The following ARHGAP22 variants were observed in gnomAD, a reference collection of about 807,000 sequenced individuals.
The protein encoded by ARHGAP22 is Rho GTPase activating protein 22.
In ARHGAP22, 48 loss-of-function variants were observed where a neutral mutation model predicts 59.1. That is an observed-to-expected ratio of 0.81 (90% CI 0.64 to 1.03). The LOEUF is 1.03. Among genes scored for constraint, ARHGAP22 ranks in the 50% least tolerant of loss-of-function variants. The pLI is 0.00. For missense variants in ARHGAP22, 1,015 were observed against 958.7 expected (o/e 1.06, Z -0.78); for synonymous variants, 445 against 416.4 (o/e 1.07, Z -0.84).
chr10:48,435,732 C>T, the ARHGAP22 span: 1 of 152,184 alleles, frequency 6.6e-6, no homozygotes, highest in African/African-American at 2.4e-5. Flanking sequence ...CACCTTATGT[C>T]CCCACCCTAC....
At chr10:48,506,707 C>T (rs1482502336) in intron 3 of ARHGAP22, among the ~76,000 whole-genome samples, 1 of 152,164 alleles carries the variant, frequency 6.6e-6, no homozygotes, top group Non-Finnish European at 1.5e-5. Context: ...AAGGCAGCCA[C>T]TCTCACTGTA....
chr10:48,655,248 TGTGTGTGTGGGGGGGGGG>T (rs1321875099), upstream of ARHGAP22, among the ~76,000 whole-genome samples: 19 of 110,218 alleles, frequency 1.7e-4, no homozygotes, highest in Middle Eastern at 4.8e-3. Context: ...TGGATGTGTG[TGTGTGTGTGGGGGGGGGG>T]GGGGGCGGGG....
upstream of ARHGAP22, chr10:48,655,418 C>A (rs1268176837): frequency 6.6e-6 from 1 of 152,340 alleles, no homozygotes; most frequent in East Asian, 1.9e-4. Flanking sequence ...GAGTTCTGCC[C>A]ACCAGCTGGA....
At chr10:48,542,193 G>T (rs1435340633) in intron 3 of ARHGAP22, among the ~76,000 whole-genome samples, 1 of 152,164 alleles carries the variant, frequency 6.6e-6, no homozygotes, top group African/African-American at 2.4e-5. Flanking sequence ...GAAGAGACCA[G>T]CAAGGAATGT....
intron 3 of ARHGAP22, chr10:48,510,768 C>T (rs541245195): frequency 2.2e-4 from 33 of 152,386 alleles, no homozygotes; most frequent in African/African-American, 7.7e-4. Context: ...CAGGGATCCC[C>T]AGACTCAGGG....
At chr10:48,442,037 G>A (rs948665390), downstream of ARHGAP22, among the ~76,000 whole-genome samples, 6 of 152,186 alleles carry the variant, frequency 3.9e-5, no homozygotes, top group African/African-American at 1.2e-4. Context: ...TGACTAGAGC[G>A]TATCCTTTAC....
chr10:48,544,441 G>A (rs947276835), intron 3 of ARHGAP22, among the ~76,000 whole-genome samples: 1 of 148,226 alleles, frequency 6.7e-6, no homozygotes, highest in African/African-American at 2.5e-5. Context: ...ATTTTTGCCT[G>A]TAGAGCACCT....
At chr10:48,497,993 C>T (rs547634761) in intron 3 of ARHGAP22, among the ~76,000 whole-genome samples, 1 of 152,272 alleles carries the variant, frequency 6.6e-6, no homozygotes, top group Admixed American at 6.5e-5. Flanking sequence ...GTCCATGGTT[C>T]CTCTAGGGCT....
chr10:48,566,165 A>T (rs2058036601), intron 2 of ARHGAP22, among the ~76,000 whole-genome samples: 1 of 152,162 alleles, frequency 6.6e-6, no homozygotes, highest in African/African-American at 2.4e-5. Flanking sequence ...CTTTTTACCA[A>T]GTCTCCTGAT....
At chr10:48,655,178 C>T (rs1455053875), upstream of ARHGAP22, among the ~76,000 whole-genome samples, 3 of 143,444 alleles carry the variant, frequency 2.1e-5, no homozygotes, top group Non-Finnish European at 3.0e-5. Context: ...CACGAACTGG[C>T]CCGTGTGTGC....
rs148773918 is a variant in ARHGAP22 at position 48,646,619 on chromosome 10, C to T, written c.52+5615G>A. Among the ~76,000 whole-genome samples, 615 of 152,240 alleles carry T rather than the reference C, an allele frequency of 4.0e-3. 5 individuals carry two copies. The highest frequency in any genetic ancestry group is 0.014 in the African/African-American group (593 of 41,540). ...TAACAAATGGTGTTGGGACAATTGG[C>T]TATCCATAAGCGAAACAGCAGCAGC... On this transcript the variant is annotated intron_variant, in intron 1 of 9. Coordinates refer to the ARHGAP22 transcript ENST00000435790.
chr10:48,596,267 G>C (rs899210246), intron 1 of ARHGAP22, among the ~76,000 whole-genome samples: 1 of 152,166 alleles, frequency 6.6e-6, no homozygotes, highest in African/African-American at 2.4e-5. Context: ...AGATTATGGG[G>C]CCTCCCGTAT....
chr10:48,555,750 G>A (rs929975183), intron 2 of ARHGAP22, among the ~76,000 whole-genome samples, 200 bp from the exon 3 acceptor site: 5 of 152,176 alleles, frequency 3.3e-5, no homozygotes, highest in African/African-American at 1.2e-4. Flanking sequence ...GGATTAAGGT[G>A]GACACTGTAG....
intron 2 of ARHGAP22, among the ~76,000 whole-genome samples, chr10:48,577,545 C>T (rs1266854407): frequency 6.6e-6 from 1 of 152,092 alleles, no homozygotes; most frequent in Non-Finnish European, 1.5e-5. Flanking sequence ...GGGGGCTACT[C>T]CTGACTGCTG....
At chr10:48,487,233 ATTT>A (rs796502960) in intron 3 of ARHGAP22, among the ~76,000 whole-genome samples, 1 of 151,830 alleles carries the variant, frequency 6.6e-6, no homozygotes, top group African/African-American at 2.4e-5. Flanking sequence ...TTTTTGTTAA[ATTT>A]TTTTTCTCTG....
chr10:48,438,956 T>C, the ARHGAP22 span: 1 of 152,326 alleles, frequency 6.6e-6, no homozygotes, highest in Admixed American at 6.5e-5. Flanking sequence ...CAATATTTGG[T>C]ATATTTTTGA....
chr10:48,528,328 G>GAATGTACC (rs1437536062), intron 3 of ARHGAP22, among the ~76,000 whole-genome samples: 1 of 152,152 alleles, frequency 6.6e-6, no homozygotes, highest in African/African-American at 2.4e-5. Context: ...GAATAAATGG[G>GAATGTACC]AATGTACCAT....
intron 1 of ARHGAP22, among the ~76,000 whole-genome samples, chr10:48,634,942 C>G (rs1375202653): frequency 6.6e-6 from 1 of 152,154 alleles, no homozygotes; most frequent in Non-Finnish European, 1.5e-5. Context: ...GTGATATTTA[C>G]AAGCCAAGGA....
At chr10:48,605,703 A>T (rs2135934407), upstream of ARHGAP22, among the ~76,000 whole-genome samples, 1 of 152,300 alleles carries the variant, frequency 6.6e-6, no homozygotes, top group Non-Finnish European at 1.5e-5. Flanking sequence ...CAATCATAAC[A>T]ATAGCTATCA....
Sources: gnomAD v4.1 joint callset for allele counts (sites outside exome capture counted in the v4.1 genomes callset) on GRCh38, gnomAD v4.1.1 for gene constraint, MANE v1.5 for transcripts, NCBI Gene and HGNC (gene_info 2026-07-23, HGNC 2026-07-21) for gene names.